Variants in CALN1 observed in about 807,000 individuals in gnomAD.
The protein encoded by CALN1 is calneuron 1, also known as calcium-binding protein 8.
CALN1 carries 17 observed loss-of-function variants against 30.6 expected under a neutral mutation model. The observed-to-expected ratio is 0.56, with a 90% confidence interval of 0.38 to 0.83. The LOEUF (loss-of-function observed/expected upper bound fraction) is 0.83. Ranked by LOEUF, CALN1 falls within the 40% of genes least tolerant of loss-of-function variation. The pLI is 0.00. For synonymous variants in CALN1, 156 were observed against 131.4 expected, an observed-to-expected ratio of 1.19 and a Z score of -1.28; for missense variants, 291 against 354.9, an observed-to-expected ratio of 0.82 and a Z score of 1.45.
upstream of CALN1, among the ~76,000 whole-genome samples, chr7:72,450,515 G>A (rs1405226381): frequency 6.6e-6 from 1 of 152,142 alleles, no homozygotes; most frequent in Non-Finnish European, 1.5e-5. Flanking sequence ...TTGTCTGCAG[G>A]GGAGTTCCAA....
chr7:72,179,615 T>C (rs1789614007), intron 3 of CALN1, among the ~76,000 whole-genome samples: 1 of 152,130 alleles, frequency 6.6e-6, no homozygotes, highest in Non-Finnish European at 1.5e-5. Context: ...TATGTGTAAC[T>C]TCATATATCC....
chr7:72,057,084 G>A (rs181514271), intron 4 of CALN1, among the ~76,000 whole-genome samples: 1 of 147,854 alleles, frequency 6.8e-6, no homozygotes, highest in African/African-American at 2.5e-5. Flanking sequence ...AGGATTACAA[G>A]CACATGCCAC....
At chr7:72,097,766 T>A (rs527988873) in intron 4 of CALN1, among the ~76,000 whole-genome samples, 6 of 151,930 alleles carry the variant, frequency 3.9e-5, no homozygotes, top group African/African-American at 1.2e-4. Flanking sequence ...CAGGCTGGAG[T>A]GCAATGGCAC....
At chr7:72,203,977 CTCTTT>C (rs1791627947) in intron 3 of CALN1, among the ~76,000 whole-genome samples, 7 of 92,272 alleles carry the variant, frequency 7.6e-5, no homozygotes, top group African/African-American at 4.3e-4. Flanking sequence ...AGAGGCCTCT[CTCTTT>C]TTTTTTTTTT....
chr7:71,929,436 C>T (rs1034225819), intron 5 of CALN1, among the ~76,000 whole-genome samples: 1 of 152,224 alleles, frequency 6.6e-6, no homozygotes, highest in Non-Finnish European at 1.5e-5. Flanking sequence ...TGGCTTCCAG[C>T]TTCATCCATG....
intron 5 of CALN1, among the ~76,000 whole-genome samples, chr7:71,971,981 G>GAGAAAGAAAGAAAA (rs1562946777): frequency 1.1e-4 from 11 of 96,516 alleles, no homozygotes; most frequent in Non-Finnish European, 2.3e-4. Context: ...AAGAAAGAAA[G>GAGAAAGAAAGAAAA]AAAGAAAGAA....
intron 3 of CALN1, among the ~76,000 whole-genome samples, chr7:72,267,011 GGAT>G (rs1796639834): frequency 6.6e-6 from 1 of 152,160 alleles, no homozygotes; most frequent in Admixed American, 6.5e-5. Context: ...CCTCTTATTG[GGAT>G]GATGATGTGG....
rs977299520 is a variant in CALN1, at chr7:71,994,490, C to T, written c.501+29167G>A. 7.2e-5 allele frequency among the ~76,000 whole-genome samples: 9 copies of T among 125,824 alleles called. No homozygotes were observed. The East Asian group carries it at 1.3e-3, about 19-fold the overall frequency. 82.5% of individuals were successfully genotyped at this position (125,824 alleles called of 152,430 possible). Reference sequence around the variant, plus strand: ...TCGTGCCACTGCACTCCACCCTGGGCGACAGAGCAAGACTTCATCTCAAAA... The same window carrying T: ...TCGTGCCACTGCACTCCACCCTGGGTGACAGAGCAAGACTTCATCTCAAAA... On this transcript the variant is annotated intron_variant, in intron 5 of 6. Transcript: ENST00000395275.
chr7:71,995,763 C>G (rs1799220253), intron 5 of CALN1, among the ~76,000 whole-genome samples: 2 of 152,016 alleles, frequency 1.3e-5, no homozygotes, highest in African/African-American at 2.4e-5. Context: ...CAAGGTAGAT[C>G]TCCACCAAAA....
In CALN1 at chr7:72,017,514, G is replaced by T. The variant is rs149274446; in HGVS notation, c.501+6143C>A. On this transcript the variant is annotated intron_variant, in intron 5 of 6. Coordinates refer to ENST00000395275, the MANE Select transcript of CALN1 (RefSeq NM_031468.4). ...TCTTGCACATTGCACACAGCTGTGG[G>T]ATAAACAAGCTATTCTAAAGACCAG... Among the ~76,000 whole-genome samples the T allele has an allele frequency of 3.2e-4, 48 of 152,268 alleles. No individual in the cohort carries two copies. The East Asian group carries it at 4.6e-3, about 15-fold the overall frequency.
intron 5 of CALN1, among the ~76,000 whole-genome samples, chr7:72,019,143 G>A (rs1800569056): frequency 6.6e-6 from 1 of 151,926 alleles, no homozygotes; most frequent in Admixed American, 6.6e-5. Context: ...AAGCCACCCT[G>A]TCTGGCCTGG....
chr7:72,335,112 G>C (rs1039475489), intron 2 of CALN1, among the ~76,000 whole-genome samples: 3 of 152,140 alleles, frequency 2.0e-5, no homozygotes, highest in Non-Finnish European at 4.4e-5. Flanking sequence ...CATGAGTACA[G>C]GTAGCAGATA....
At chr7:72,111,455 C>T (rs775116894) in intron 3 of CALN1, among the ~76,000 whole-genome samples, 1 of 152,060 alleles carries the variant, frequency 6.6e-6, no homozygotes, top group Non-Finnish European at 1.5e-5. Flanking sequence ...TCTCATTATG[C>T]TGGTAACTTA....
rs569839929 is a variant in CALN1 at position 72,204,204 on chromosome 7, C to T, written c.244+74482G>A. Reference sequence around the variant, plus strand: ...TAGAGACGGGGTTTCACCGTGTTAGCCAGGATGGTCTCCATCTCCTGACCT... The same window carrying T: ...TAGAGACGGGGTTTCACCGTGTTAGTCAGGATGGTCTCCATCTCCTGACCT... On this transcript the variant is annotated intron_variant, in intron 3 of 6. Coordinates refer to ENST00000395275, the MANE Select transcript of CALN1 (RefSeq NM_031468.4). 8.6e-4 allele frequency among the ~76,000 whole-genome samples: 130 copies of T among 150,862 alleles called. 1 individual carries two copies. The highest frequency in any genetic ancestry group is 6.8e-3 in the Middle Eastern group (2 of 294).
At chr7:71,985,324 G>A (rs753829421) in intron 5 of CALN1, among the ~76,000 whole-genome samples, 135 of 152,218 alleles carry the variant, frequency 8.9e-4, no homozygotes, top group Non-Finnish European at 1.4e-3. Flanking sequence ...TGATGAGATT[G>A]TGCATTGAAA....
intron 2 of CALN1, among the ~76,000 whole-genome samples, chr7:72,327,176 A>T (rs1801338239): frequency 6.6e-6 from 1 of 152,216 alleles, no homozygotes; most frequent in Non-Finnish European, 1.5e-5. Flanking sequence ...CAGCTCTTCC[A>T]GAACACATCA....
intron 5 of CALN1, among the ~76,000 whole-genome samples, chr7:71,967,199 T>C (rs1797569793): frequency 6.6e-6 from 1 of 152,126 alleles, no homozygotes; most frequent in Non-Finnish European, 1.5e-5. Flanking sequence ...ATAAGATGCA[T>C]AAAGCATGAA....
At position 71,805,855 on chromosome 7, in the gene CALN1, T is replaced by C. The variant is rs1584257859; in HGVS notation, c.658+4481A>G. 2.6e-5 allele frequency among the ~76,000 whole-genome samples: 4 copies of C among 152,270 alleles called. No homozygotes were observed. In the South Asian group the frequency reaches 6.2e-4, roughly 24 times the overall value. On this transcript the variant is annotated intron_variant, in intron 6 of 6. Transcript: ENST00000395275. Reference sequence around the variant, plus strand: ...GAGGAATTGCCACACCATTTTCTGATAGACTGGATAAAGAAAGTGTGTACA... The same window carrying C: ...GAGGAATTGCCACACCATTTTCTGACAGACTGGATAAAGAAAGTGTGTACA...
chr7:72,376,224 G>A (rs1295135877), intron 2 of CALN1, among the ~76,000 whole-genome samples: 3 of 152,176 alleles, frequency 2.0e-5, no homozygotes, highest in South Asian at 2.1e-4. Context: ...GTATTTGTGT[G>A]AACATGTGTT....
Sources: gnomAD v4.1 joint callset for allele counts (sites outside exome capture counted in the v4.1 genomes callset) on GRCh38, gnomAD v4.1.1 for gene constraint, MANE v1.5 for transcripts, NCBI Gene and HGNC (gene_info 2026-07-23, HGNC 2026-07-21) for gene names.